The following DNAH7 variants were observed in gnomAD, a reference collection of about 807,000 sequenced individuals.
The protein encoded by DNAH7 is dynein axonemal heavy chain 7, also known as axonemal beta dynein heavy chain 7.
A neutral mutation model predicts 444.6 loss-of-function variants in DNAH7; 397 were observed. The ratio of observed to expected loss-of-function variants is 0.89; its 90% CI spans 0.82 to 0.97. The LOEUF is 0.97. DNAH7 is among the 50% of genes least tolerant of loss of function. The pLI, the probability that DNAH7 is intolerant of heterozygous loss-of-function variation, is 0.00. For synonymous variants in DNAH7, 1,636 were observed against 1,624.4 expected (o/e 1.01, Z -0.17); for missense variants, 4,902 against 4,800.8 (o/e 1.02, Z -0.62).
chr2:195,738,057 G>GTCTT lies in DNAH7; in HGVS notation c.11935_11938dup (p.Thr3980LysfsTer4), dbSNP rs780577995. The GTCTT allele has an allele frequency of 6.2e-7, 1 of 1,614,004 alleles. No individual in the cohort carries two copies. Among genetic ancestry groups the GTCTT allele is most frequent in the Non-Finnish European group, 8.5e-7 (1 of 1,179,898 alleles). ...GGATAATACTCCTCTCCGCTCACTT[G>GTCTT]TCTTATACAATGGAGCAACATAACT... is the stretch of plus-strand genomic sequence containing the variant. On this transcript the variant is annotated frameshift_variant, in exon 65 of 65. Transcript: ENST00000312428. LOFTEE classifies it high-confidence loss of function.
In DNAH7 at chr2:195,957,440, C is replaced by T; in HGVS notation, c.2899G>A (p.Glu967Lys). The change falls in exon 19 of 65, where the codon GAG becomes AAG. Residue 967 changes from glutamate to lysine, a missense_variant. Transcript: ENST00000312428. ...KPYEKQMREWEGKLLLLQEIL... is the reference protein window; with the variant it reads ...KPYEKQMREWKGKLLLLQEIL... ...TCCTGAAGCAGTAGGAGCTTGCCCT[C>T]CCATTCTCTGAGGAGCAAAACACAG... 1 of 1,545,020 alleles carries T rather than the reference C, an allele frequency of 6.5e-7. No homozygotes were observed. Among genetic ancestry groups the T allele is most frequent in the Non-Finnish European group, 8.8e-7 (1 of 1,134,686 alleles).
intron 5 of DNAH7, among the ~76,000 whole-genome samples, chr2:196,032,358 C>G (rs1323190605): frequency 6.6e-6 from 1 of 152,046 alleles, no homozygotes; most frequent in East Asian, 1.9e-4. Context: ...ACAGACGAAA[C>G]AGTTTAAAAC....
intron 40 of DNAH7, among the ~76,000 whole-genome samples, chr2:195,869,969 G>A (rs1489557898): frequency 6.6e-6 from 1 of 152,136 alleles, no homozygotes; most frequent in Non-Finnish European, 1.5e-5. Flanking sequence ...ATCTAAAGCA[G>A]CACAGAATCT....
intron 61 of DNAH7, among the ~76,000 whole-genome samples, chr2:195,763,977 T>A (rs751640212): frequency 9.2e-5 from 14 of 151,772 alleles, no homozygotes; most frequent in Non-Finnish European, 1.9e-4. Context: ...GATTTTTGCA[T>A]CCCTGATGCA....
At position 195,910,087 on chromosome 2, in the gene DNAH7, T is replaced by C. The variant is rs2125304019; in HGVS notation, c.4044A>G (p.Gln1348=). The change falls in exon 25 of 65, where the codon CAA becomes CAG. Residue 1348 remains glutamine, a synonymous_variant. Coordinates refer to ENST00000312428, the MANE Select transcript of DNAH7 (RefSeq NM_018897.3). ...TKDLAKAVAK[Q]CVVFNCSDGL... ...CATCAGAGCAGTTGAAAACAACACA[T>C]TGTTTGGCTACAGCTTTTGCCAAAT... 1.2e-6 allele frequency: 2 copies of C among 1,613,968 alleles called. No individual in the cohort carries two copies. Among genetic ancestry groups the C allele is most frequent in the Non-Finnish European group, 1.7e-6 (2 of 1,179,892 alleles).
At chr2:195,988,468 A>G (rs1361271945) in intron 12 of DNAH7, among the ~76,000 whole-genome samples, 2 of 152,032 alleles carry the variant, frequency 1.3e-5, no homozygotes, top group Non-Finnish European at 2.9e-5. Flanking sequence ...GTTTTTCTGT[A>G]TGGATGAAAG....
intron 9 of DNAH7, among the ~76,000 whole-genome samples, chr2:196,013,264 T>G (rs1694825133): frequency 1.3e-5 from 2 of 152,126 alleles, no homozygotes. Flanking sequence ...AAGAAAAAAT[T>G]GCAGCCTCTC....
At chr2:195,839,886 C>G (rs1468375567) in intron 47 of DNAH7, among the ~76,000 whole-genome samples, 1 of 151,546 alleles carries the variant, frequency 6.6e-6, no homozygotes, top group African/African-American at 2.4e-5. Flanking sequence ...CTTTCAATGA[C>G]AAAAAAATTC....
chr2:195,900,321 T>C lies in DNAH7; in HGVS notation c.4509A>G (p.Arg1503=). 5 of 1,614,016 alleles carry C rather than the reference T, an allele frequency of 3.1e-6. No individual in the cohort carries two copies. The highest frequency in any genetic ancestry group is 4.2e-6 in the Non-Finnish European group (5 of 1,179,922). ...CAGCAGTAAGAACTGACTTCACGGC[T>C]CTCATTCCATAGTCGTAGTGATGTT... ...SSQHHYDYGM[R]AVKSVLTAAG... is the part of the protein sequence containing the mutation. The change falls in exon 28 of 65, where the codon AGA becomes AGG. Residue 1503 remains arginine, a synonymous_variant. Transcript: ENST00000312428.
intron 46 of DNAH7, among the ~76,000 whole-genome samples, chr2:195,846,837 A>C (rs1699022058): frequency 6.6e-6 from 1 of 152,020 alleles, no homozygotes. Flanking sequence ...TGAAGACTCC[A>C]AGTTCTTCAG....
chr2:196,054,372 A>G (rs1379424662), intron 2 of DNAH7, among the ~76,000 whole-genome samples: 1 of 151,842 alleles, frequency 6.6e-6, no homozygotes, highest in East Asian at 1.9e-4. Context: ...ACAGATACAC[A>G]AAAATAACCT....
chr2:195,969,436 G>A (rs1490206955), intron 17 of DNAH7, among the ~76,000 whole-genome samples: 1 of 152,078 alleles, frequency 6.6e-6, no homozygotes, highest in Non-Finnish European at 1.5e-5. Context: ...TATGGCAAAG[G>A]GTATGGCTCT....
intron 5 of DNAH7, among the ~76,000 whole-genome samples, chr2:196,038,441 C>A (rs1026152112): frequency 6.6e-6 from 1 of 152,010 alleles, no homozygotes; most frequent in African/African-American, 2.4e-5. Flanking sequence ...ATAAAACAAC[C>A]AGAAAACAAT....
intron 12 of DNAH7, among the ~76,000 whole-genome samples, chr2:195,996,672 C>A (rs570475802): frequency 6.6e-6 from 1 of 152,050 alleles, no homozygotes; most frequent in Non-Finnish European, 1.5e-5. Context: ...GTTATCCACC[C>A]GCCTCGCCCT....
chr2:195,873,382 G>A (rs1284201347), intron 39 of DNAH7, among the ~76,000 whole-genome samples, 186 bp downstream of exon 39: 2 of 152,146 alleles, frequency 1.3e-5, no homozygotes, highest in Admixed American at 1.3e-4. Context: ...TAGCAGAATG[G>A]TCAGACCTCT....
At chr2:195,891,519 G>C in intron 31 of DNAH7, 136 bp downstream of exon 31, 1 of 767,720 alleles carries the variant, frequency 1.3e-6, no homozygotes, top group Non-Finnish European at 1.8e-6. Context: ...AATACTGCCA[G>C]AATATCCAGT....
chr2:195,789,852 G>C (rs2074772949), intron 57 of DNAH7, among the ~76,000 whole-genome samples: 1 of 151,760 alleles, frequency 6.6e-6, no homozygotes, highest in Non-Finnish European at 1.5e-5. Context: ...AAAAATAAAA[G>C]ACATCCAAAT....
intron 57 of DNAH7, among the ~76,000 whole-genome samples, chr2:195,789,917 G>A (rs1841727): frequency 0.73 from 111,531 of 152,030 alleles, 41,078 homozygotes; most frequent in African/African-American, 0.77. Context: ...TTCTATACCT[G>A]GAAAACACCA....
intron 12 of DNAH7, chr2:195,999,279 A>G: frequency 1.4e-6 from 1 of 708,872 alleles, no homozygotes; most frequent in Non-Finnish European, 2.6e-6. Flanking sequence ...TTGCCTTAAG[A>G]ATTTGTAACC....
Sources: allele counts gnomAD v4.1 joint callset (sites outside exome capture counted in the v4.1 genomes callset), GRCh38; gene constraint gnomAD v4.1.1; transcripts MANE v1.5; gene names NCBI Gene and HGNC (gene_info 2026-07-23, HGNC 2026-07-21).